Variants in MAIP1 observed in about 807,000 individuals in gnomAD.
MAIP1 encodes the protein matrix AAA peptidase interacting protein 1, also known as m-AAA protease-interacting protein 1, mitochondrial.
Under a neutral mutation model 31.2 loss-of-function variants are expected in MAIP1, and 28 were observed. The observed-to-expected ratio is 0.90, with a 90% CI of 0.67 to 1.23. MAIP1 has a LOEUF of 1.23. MAIP1 is among the 50% of genes most tolerant of loss of function. The pLI is 0.00. For missense variants in MAIP1, 339 were observed against 356.0 expected, an observed-to-expected ratio of 0.95 and a Z score of 0.38; for synonymous variants, 142 against 142.3, an observed-to-expected ratio of 1.00 and a Z score of 0.02.
chr2:199,958,966 C>A (rs2077622248), intron 1 of MAIP1, among the ~76,000 whole-genome samples: 1 of 152,146 alleles, frequency 6.6e-6, no homozygotes. Flanking sequence ...TTTACTTCAT[C>A]ATTTTAAAAA....
chr2:199,957,371 G>C (rs2077613209), intron 1 of MAIP1, among the ~76,000 whole-genome samples: 1 of 152,188 alleles, frequency 6.6e-6, no homozygotes, highest in African/African-American at 2.4e-5. Flanking sequence ...CAGCCTGGGT[G>C]ACAGAGCGAG....
In MAIP1 at chr2:199,961,762, T is replaced by A. The variant is rs770815471; in HGVS notation, c.650-19T>A. ...ATTTTGATTTGTATTCGTATGTGTG[T>A]ATATGTTTTTTCTCTAAGGAAGGAA... On this transcript the variant is annotated intron_variant, in intron 3 of 4. Transcript: ENST00000392290. 1.2e-6 allele frequency: 2 copies of A among 1,601,044 alleles called. No individual in the cohort carries two copies. The highest frequency in any genetic ancestry group is 2.2e-5 in the South Asian group (2 of 89,186).
At chr2:199,955,474 T>C (rs1343251459), upstream of MAIP1, 1 of 1,613,518 alleles carries the variant, frequency 6.2e-7, no homozygotes, top group Admixed American at 1.7e-5. Flanking sequence ...CGGCCATGGT[T>C]GCTCACGCCT....
At chr2:199,955,518 A>C (rs530105212), upstream of MAIP1, 4 of 1,598,684 alleles carry the variant, frequency 2.5e-6, no homozygotes, top group Admixed American at 1.7e-5. Flanking sequence ...TTCGGCTCTA[A>C]AGCGTTCCTC....
intron 3 of MAIP1, among the ~76,000 whole-genome samples, chr2:199,961,463 C>CA (rs200708015): frequency 2.8e-3 from 426 of 151,202 alleles, no homozygotes; most frequent in African/African-American, 9.7e-3. Flanking sequence ...GACTCTGTGT[C>CA]AAAAAAAGAG....
chr2:199,958,734 C>A (rs2077621100), intron 1 of MAIP1, among the ~76,000 whole-genome samples: 1 of 152,198 alleles, frequency 6.6e-6, no homozygotes, highest in Non-Finnish European at 1.5e-5. Flanking sequence ...GTTTTTCCCT[C>A]CTTGAAAATG....
At position 199,955,970 on chromosome 2, in the gene MAIP1, G is replaced by A. The variant is rs1291964876; in HGVS notation, c.172G>A (p.Ala58Thr). 7 of 1,612,404 alleles carry A rather than the reference G, an allele frequency of 4.3e-6. No homozygotes were observed. In the Middle Eastern group the frequency reaches 5.0e-4, roughly 114 times the overall value. The change falls in exon 1 of 5, where the codon GCT (alanine) becomes ACT (threonine). Residue 58 changes from alanine (A) to threonine (T), a missense_variant. Physicochemically the swap from Ala to Thr is moderately conservative, Grantham distance 58 (BLOSUM62 0). Transcript: ENST00000392290. The part of the protein sequence containing the change: ...GLGAALFPRS[A>T]RALAASALPA... ...GGGAGCGGCGTTATTTCCACGAAGC[G>A]CTAGGGCCTTGGCAGCCTCGGCGCT...
At chr2:199,959,198 A>G in intron 1 of MAIP1, 70 bp from the exon 2 acceptor site, 1 of 812,012 alleles carries the variant, frequency 1.2e-6, no homozygotes. Context: ...ACACTTAGCC[A>G]TTTAAATATG....
At chr2:199,956,370 G>C (rs2105722793) in intron 1 of MAIP1, 122 bp downstream of exon 1, 1 of 802,564 alleles carries the variant, frequency 1.2e-6, no homozygotes, top group Non-Finnish European at 2.0e-6. Context: ...TAGTGGCCCA[G>C]ACATAGAGCC....
chr2:199,963,395 A>G (rs1285772634), intron 4 of MAIP1, among the ~76,000 whole-genome samples: 5 of 152,156 alleles, frequency 3.3e-5, no homozygotes, highest in Non-Finnish European at 4.4e-5. Context: ...CTGTCCTCAT[A>G]TTAGGCATGT....
rs1244479366 is a variant in MAIP1, at chr2:199,955,795, A to G, written c.-4A>G. ...GGCAGGCACCGGTGTGAAGGGTCAT[A>G]AAAATGGCGCTGGCCGCTCGTTTGC... On this transcript the variant is annotated 5_prime_UTR_variant, in exon 1 of 5. In the 5' UTR this introduces an upstream ATG that the reference lacks. Transcript: ENST00000392290. 1 of 1,516,066 alleles carries G rather than the reference A, an allele frequency of 6.6e-7. No individual in the cohort carries two copies. The highest frequency in any genetic ancestry group is 2.3e-5 in the Admixed American group (1 of 44,022). The allele number at this position is 1,516,066 out of a possible 1,614,324, so 93.9% of individuals were successfully genotyped here. A position where few individuals can be genotyped will look rare whatever the true frequency, so the allele number is the denominator to read the frequency against.
chr2:199,955,716 T>G lies in MAIP1; in HGVS notation c.-83T>G. Reference sequence around the variant, plus strand: ...CAGGTCCACTTTGCTCTCCAGTCTCTTTCTCCGACACCGCTGAGGCGGTTT... The same window carrying G: ...CAGGTCCACTTTGCTCTCCAGTCTCGTTCTCCGACACCGCTGAGGCGGTTT... On this transcript the variant is annotated 5_prime_UTR_variant, in exon 1 of 5. Coordinates refer to ENST00000392290, the MANE Select transcript of MAIP1 (RefSeq NM_001394955.1). 7.2e-7 allele frequency: 1 copy of G among 1,381,830 alleles called. No individual in the cohort carries two copies. 85.6% of individuals were successfully genotyped at this position (1,381,830 alleles called of 1,614,324 possible). A position where few individuals can be genotyped will look rare whatever the true frequency, so the allele number is the denominator to read the frequency against.
rs949952858 is a variant in MAIP1, at chr2:199,956,250, TTTG to T, written c.450+5_450+7del. 5 of 1,605,334 alleles carry T rather than the reference TTTG, an allele frequency of 3.1e-6. No homozygotes were observed. In the African/African-American group the frequency reaches 6.7e-5, roughly 21 times the overall value. ...GAGTTCTCCGAGGGAGCGAAGCAGGTTTGTTTATTTCCCTGATTGACCTATCCG... is the reference window on the plus strand; with the variant it reads ...GAGTTCTCCGAGGGAGCGAAGCAGGTTTTATTTCCCTGATTGACCTATCCG... On this transcript the variant is annotated splice_donor_5th_base_variant and intron_variant, in intron 1 of 4. Transcript: ENST00000392290.
At chr2:199,956,982 C>G (rs529761584) in intron 1 of MAIP1, among the ~76,000 whole-genome samples, 46 of 149,464 alleles carry the variant, frequency 3.1e-4, no homozygotes, top group African/African-American at 1.1e-3. Flanking sequence ...TTGCCTTACC[C>G]TTGTGACATA....
In MAIP1 at chr2:199,959,340, G is replaced by A; in HGVS notation, c.522+1G>A. On this transcript the variant is annotated splice_donor_variant, in intron 2 of 4. Transcript: ENST00000392290. LOFTEE classifies it high-confidence loss of function. ...GTTGGAAGAACTTGTGGCCAAAGAG[G>A]TAAAGTATATTTTACATTTTGCTTT... is the stretch of plus-strand genomic sequence containing the variant. 3 of 1,515,242 alleles carry A rather than the reference G, an allele frequency of 2.0e-6. No individual in the cohort carries two copies. Among genetic ancestry groups the A allele is most frequent in the Non-Finnish European group, 2.7e-6 (3 of 1,091,222 alleles). 93.9% of individuals were successfully genotyped at this position (1,515,242 alleles called of 1,614,324 possible).
intron 3 of MAIP1, among the ~76,000 whole-genome samples, chr2:199,960,778 G>A (rs1186937184): frequency 3.9e-5 from 6 of 152,146 alleles, no homozygotes; most frequent in Admixed American, 1.3e-4. Flanking sequence ...TTTGAGGGAT[G>A]ACTCTATTTG....
At chr2:199,960,221 T>C (rs920059201) in intron 3 of MAIP1, among the ~76,000 whole-genome samples, 5 of 152,234 alleles carry the variant, frequency 3.3e-5, no homozygotes, top group Non-Finnish European at 5.9e-5. Flanking sequence ...TTGAGTATTT[T>C]AAAGCTGCAC....
rs2077649651 is a variant in MAIP1, at chr2:199,963,992, T to C, written c.*181T>C. On this transcript the variant is annotated 3_prime_UTR_variant, in exon 5 of 5. Transcript: ENST00000392290. ...TAAAAGCATTTTCCACAGATTGTTA[T>C]CACCTTCTTTAAAAGAAGTCAAAAT... 5.0e-6 allele frequency: 2 copies of C among 403,530 alleles called. No homozygotes were observed. The highest frequency in any genetic ancestry group is 8.8e-6 in the Non-Finnish European group (2 of 227,520). The allele number at this position is 403,530 out of a possible 1,614,324, so 25.0% of individuals were successfully genotyped here. A position where few individuals can be genotyped will look rare whatever the true frequency, so the allele number is the denominator to read the frequency against.
chr2:199,955,562 A>AT, upstream of MAIP1: 1 of 1,498,056 alleles, frequency 6.7e-7, no homozygotes, highest in Non-Finnish European at 9.0e-7. Context: ...AGCGACAGAG[A>AT]AAAGGTCCGC....
Sources: gnomAD v4.1 joint callset for allele counts (sites outside exome capture counted in the v4.1 genomes callset) on GRCh38, gnomAD v4.1.1 for gene constraint, MANE v1.5 for transcripts, NCBI Gene and HGNC (gene_info 2026-07-23, HGNC 2026-07-21) for gene names.